The following ZNF365 variants were observed in gnomAD, a reference collection of about 807,000 sequenced individuals.
ZNF365 encodes protein ZNF365.
In ZNF365, 22 loss-of-function variants were observed where a neutral mutation model predicts 35.0. The ratio of observed to expected loss-of-function variants is 0.63; its 90% CI spans 0.45 to 0.90. The LOEUF is 0.90. Among genes scored for constraint, ZNF365 ranks in the 40% least tolerant of loss-of-function variants. The probability of loss-of-function intolerance (pLI) is 0.00; values close to 1 mark genes in which losing one functional copy is unlikely to be tolerated. For missense variants in ZNF365, 448 were observed against 500.3 expected (o/e 0.90, Z 1.00); for synonymous variants, 188 against 196.2 (o/e 0.96, Z 0.35).
chr10:62,428,789 A>G (rs191833415), intron 3 of ZNF365, among the ~76,000 whole-genome samples: 3 of 152,314 alleles, frequency 2.0e-5, no homozygotes, highest in Admixed American at 6.5e-5. Flanking sequence ...TTGTCACTCT[A>G]GACTCCTTCC....
At chr10:62,448,205 G>C (rs1840621692) in intron 3 of ZNF365, among the ~76,000 whole-genome samples, 1 of 152,094 alleles carries the variant, frequency 6.6e-6, no homozygotes, top group Non-Finnish European at 1.5e-5. Context: ...CTTTCTTTTT[G>C]CTATAAAAAT....
At chr10:62,375,720 G>C in intron 1 of ZNF365, 1 of 162,650 alleles carries the variant, frequency 6.1e-6, no homozygotes, top group South Asian at 1.6e-4. Context: ...CATTTAGTGT[G>C]CCAAATTCAG....
chr10:62,479,017 T>C (rs1228295350), intron 4 of ZNF365, among the ~76,000 whole-genome samples: 1 of 152,258 alleles, frequency 6.6e-6, no homozygotes, highest in Admixed American at 6.5e-5. Flanking sequence ...AATATGCCTC[T>C]CTAGACATGT....
intron 3 of ZNF365, among the ~76,000 whole-genome samples, chr10:62,392,301 G>T (rs1839644233): frequency 6.6e-6 from 1 of 152,188 alleles, no homozygotes; most frequent in Admixed American, 6.5e-5. Context: ...TCTTGGTCAT[G>T]AAGTCTTTGC....
intron 3 of ZNF365, among the ~76,000 whole-genome samples, chr10:62,458,997 A>C (rs1484636773): frequency 6.6e-6 from 1 of 152,210 alleles, no homozygotes; most frequent in Admixed American, 6.5e-5. Flanking sequence ...TGGGTAAATG[A>C]CCCATGAAAG....
At chr10:62,418,739 A>G (rs1840119581) in intron 3 of ZNF365, among the ~76,000 whole-genome samples, 2 of 152,094 alleles carry the variant, frequency 1.3e-5, no homozygotes, top group Admixed American at 1.3e-4. Context: ...TTCAGTAAGA[A>G]TAGTAGCTCT....
At chr10:62,445,308 G>T (rs972867148) in intron 3 of ZNF365, among the ~76,000 whole-genome samples, 5 of 151,112 alleles carry the variant, frequency 3.3e-5, no homozygotes, top group African/African-American at 1.2e-4. Context: ...GGATGGCTGG[G>T]TCAAATGGTA....
At chr10:62,429,502 T>C (rs1261800010) in intron 3 of ZNF365, among the ~76,000 whole-genome samples, 2 of 152,200 alleles carry the variant, frequency 1.3e-5, no homozygotes, top group Non-Finnish European at 2.9e-5. Flanking sequence ...AGAAGATGAA[T>C]AAATGTACTT....
At chr10:62,378,873 G>A (rs1482409212) in intron 2 of ZNF365, among the ~76,000 whole-genome samples, 2 of 152,090 alleles carry the variant, frequency 1.3e-5, no homozygotes, top group Non-Finnish European at 2.9e-5. Context: ...TCCATGGTAT[G>A]GATGCATCAT....
At chr10:62,387,380 T>C (rs763049506) in intron 2 of ZNF365, among the ~76,000 whole-genome samples, 2 of 152,204 alleles carry the variant, frequency 1.3e-5, no homozygotes, top group African/African-American at 2.4e-5. Context: ...CTCAGGATAA[T>C]GGAGTTTCAG....
At chr10:62,459,345 G>A (rs1180252449) in intron 3 of ZNF365, among the ~76,000 whole-genome samples, 1 of 152,164 alleles carries the variant, frequency 6.6e-6, no homozygotes, top group Non-Finnish European at 1.5e-5. Context: ...TAATGTGAAA[G>A]CAAGATCCAC....
At chr10:62,471,454 T>A (rs1207974960) in intron 4 of ZNF365, among the ~76,000 whole-genome samples, 1 of 152,054 alleles carries the variant, frequency 6.6e-6, no homozygotes, top group Non-Finnish European at 1.5e-5. Context: ...AACGGATCAA[T>A]CTATTGAAAA....
chr10:62,478,605 G>A (rs924631123), intron 4 of ZNF365, among the ~76,000 whole-genome samples: 4 of 152,140 alleles, frequency 2.6e-5, no homozygotes, highest in Admixed American at 6.5e-5. Context: ...ACGGAGTCTC[G>A]CTCTGTCACC....
Position 62,399,892 on chromosome 10 carries a change from T to C in ZNF365, c.*103T>C, listed in dbSNP as rs1194543613. 12 of 1,455,882 alleles carry C rather than the reference T, an allele frequency of 8.2e-6. No homozygotes were observed. Among genetic ancestry groups the C allele is most frequent in the Non-Finnish European group, 1.1e-5 (12 of 1,103,294 alleles). The allele number at this position is 1,455,882 out of a possible 1,614,324, so 90.2% of individuals were successfully genotyped here. ...GGAAACATTCCATAGTAAGACACAT[T>C]GGAAAAGCCAAGGGCATAACACAGG... is the stretch of plus-strand genomic sequence containing the variant. On this transcript the variant is annotated 3_prime_UTR_variant, in exon 5 of 5. Coordinates refer to ENST00000395254, the MANE Select transcript of ZNF365 (RefSeq NM_014951.3).
At chr10:62,424,932 A>G (rs1423664865) in intron 3 of ZNF365, among the ~76,000 whole-genome samples, 1 of 152,232 alleles carries the variant, frequency 6.6e-6, no homozygotes, top group Non-Finnish European at 1.5e-5. Flanking sequence ...CACTTTGGGA[A>G]ATGAGGCTAG....
At chr10:62,442,101 A>T (rs1346175700) in intron 3 of ZNF365, among the ~76,000 whole-genome samples, 1 of 152,118 alleles carries the variant, frequency 6.6e-6, no homozygotes. Context: ...ACAGAACCAA[A>T]CCCCAGTGAC....
intron 4 of ZNF365, chr10:62,459,943 A>C: frequency 1.5e-6 from 1 of 683,556 alleles, no homozygotes; most frequent in South Asian, 1.8e-5. Flanking sequence ...CCTTCTCCCA[A>C]GTCATCATTA....
intron 3 of ZNF365, among the ~76,000 whole-genome samples, chr10:62,457,098 T>G (rs1339062644): frequency 6.6e-6 from 1 of 152,180 alleles, no homozygotes; most frequent in East Asian, 1.9e-4. Context: ...GTCTCTTATC[T>G]TCTTTCCTGA....
At chr10:62,454,536 C>A (rs1263003113) in intron 3 of ZNF365, among the ~76,000 whole-genome samples, 1 of 151,982 alleles carries the variant, frequency 6.6e-6, no homozygotes, top group Non-Finnish European at 1.5e-5. Flanking sequence ...ACTGAGAGTG[C>A]CATGAACCAA....
Sources: gnomAD v4.1 joint callset for allele counts (sites outside exome capture counted in the v4.1 genomes callset) on GRCh38, gnomAD v4.1.1 for gene constraint, MANE v1.5 for transcripts, NCBI Gene and HGNC (gene_info 2026-07-23, HGNC 2026-07-21) for gene names.